The following UTP20 variants were observed in gnomAD, a reference collection of about 807,000 sequenced individuals.
UTP20 encodes the protein UTP20 small subunit processome component, also known as small subunit processome component 20 homolog.
UTP20 carries 164 observed loss-of-function variants against 329.5 expected under a neutral mutation model. That is an observed-to-expected ratio of 0.50 (90% CI 0.44 to 0.57). The LOEUF (loss-of-function observed/expected upper bound fraction) is 0.57, where lower values mean the gene tolerates loss of function less well. Ranked by LOEUF, UTP20 falls within the 20% of genes least tolerant of loss-of-function variation. The pLI, the probability that UTP20 is intolerant of heterozygous loss-of-function variation, is 0.00. For synonymous variants in UTP20, 1,151 were observed against 1,159.3 expected, an observed-to-expected ratio of 0.99 and a Z score of 0.14; for missense variants, 3,055 against 3,284.2, an observed-to-expected ratio of 0.93 and a Z score of 1.71.
At chr12:101,282,691 G>C (rs1871840881) in intron 2 of UTP20, among the ~76,000 whole-genome samples, 1 of 152,186 alleles carries the variant, frequency 6.6e-6, no homozygotes, top group South Asian at 2.1e-4. Flanking sequence ...AAAAGAGCAG[G>C]ACTGCAGTTC....
At chr12:101,382,035 AAGAG>A (rs1555203543) in intron 58 of UTP20, among the ~76,000 whole-genome samples, 1 of 151,030 alleles carries the variant, frequency 6.6e-6, no homozygotes, top group Non-Finnish European at 1.5e-5. Flanking sequence ...AAAAAAAAAA[AAGAG>A]AGAGAAATAG....
At chr12:101,292,654 C>T (rs991127269) in intron 10 of UTP20, among the ~76,000 whole-genome samples, 16 of 152,126 alleles carry the variant, frequency 1.1e-4, no homozygotes, top group Admixed American at 5.9e-4. Context: ...AGAGAGGGAA[C>T]AGAAAAGACG....
At chr12:101,343,190 G>C in intron 35 of UTP20, 97 bp downstream of exon 35, 1 of 751,742 alleles carries the variant, frequency 1.3e-6, no homozygotes, top group Non-Finnish European at 2.0e-6. Flanking sequence ...GTTTTTTGAG[G>C]GGGGACAAAG....
rs1319995725 is a variant in UTP20 at position 101,365,321 on chromosome 12, T to G, written c.5959-138T>G. 1.3e-5 allele frequency: 8 copies of G among 622,292 alleles called. No homozygotes were observed. The Admixed American group carries it at 2.8e-4, about 22-fold the overall frequency. 38.5% of individuals were successfully genotyped at this position (622,292 alleles called of 1,614,324 possible). ...TTATATGTTATATCTGTGTTTGAAA[T>G]TATATTAAGAATGCTTTTTAATTAG... On this transcript the variant is annotated intron_variant, in intron 45 of 61. Coordinates refer to ENST00000261637, the MANE Select transcript of UTP20 (RefSeq NM_014503.3).
chr12:101,295,598 C>A lies in UTP20; in HGVS notation c.1370C>A (p.Pro457His), dbSNP rs747091698. The change falls in exon 12 of 62, where the codon CCC becomes CAC. Residue 457 changes from proline to histidine, a missense_variant. Pro to His is a moderately conservative substitution (Grantham distance 77, BLOSUM62 -2). Around this residue, in one of 3 missense-constraint regions of UTP20, gnomAD observed 2,445 missense variants for 2,575.5 expected, o/e 0.95. Coordinates refer to ENST00000261637, the MANE Select transcript of UTP20 (RefSeq NM_014503.3). ...AKLILNKAAP[P>H]TAGSMAIEKY... ...CTCATTCTGAACAAAGCAGCACCTC[C>A]CACTGCTGGCTCGATGGCAATTGAA... 26 of 1,613,200 alleles carry A rather than the reference C, an allele frequency of 1.6e-5. No individual in the cohort carries two copies. In the East Asian group the frequency reaches 5.3e-4, roughly 33 times the overall value.
At chr12:101,287,852 A>G (rs190388485) in intron 5 of UTP20, among the ~76,000 whole-genome samples, 84 of 152,360 alleles carry the variant, frequency 5.5e-4, no homozygotes, top group African/African-American at 1.9e-3. Context: ...CAAAGTTTAC[A>G]TTTTAGCAGG....
intron 40 of UTP20, among the ~76,000 whole-genome samples, chr12:101,354,199 T>C (rs945322035): frequency 3.4e-5 from 5 of 148,736 alleles, no homozygotes; most frequent in Non-Finnish European, 3.0e-5. Flanking sequence ...GAGGCAGATG[T>C]TGCGGTAAGC....
intron 18 of UTP20, among the ~76,000 whole-genome samples, chr12:101,309,559 A>G (rs989211102): frequency 1.3e-5 from 2 of 152,226 alleles, no homozygotes; most frequent in African/African-American, 4.8e-5. Context: ...CGATTCTTCT[A>G]TTTTAAATAG....
intron 31 of UTP20, among the ~76,000 whole-genome samples, chr12:101,339,478 C>T (rs1869049271): frequency 6.6e-6 from 1 of 151,968 alleles, no homozygotes; most frequent in African/African-American, 2.4e-5. Context: ...TACTAGAAAC[C>T]GTTCATAGCA....
rs144022526 is a variant in UTP20, at chr12:101,351,930, A to G, written c.4885-125A>G. On this transcript the variant is annotated intron_variant, in intron 38 of 61. Coordinates refer to ENST00000261637, the MANE Select transcript of UTP20 (RefSeq NM_014503.3). ...GGGGTTAGAGGGAAAAAATTAGTAT[A>G]GTTTGGACATTCTTTCTCTTCTGTA... is the stretch of plus-strand genomic sequence containing the variant. 8 of 1,128,738 alleles carry G rather than the reference A, an allele frequency of 7.1e-6. No individual in the cohort carries two copies. The East Asian group carries it at 1.2e-4, about 17-fold the overall frequency. 69.9% of individuals were successfully genotyped at this position (1,128,738 alleles called of 1,614,324 possible).
intron 31 of UTP20, among the ~76,000 whole-genome samples, chr12:101,339,973 A>G (rs1397682167): frequency 6.6e-6 from 1 of 152,204 alleles, no homozygotes; most frequent in Non-Finnish European, 1.5e-5. Context: ...ATTTCATCCC[A>G]GGCTATGTAG....
At chr12:101,374,488 A>T (rs970994416) in intron 54 of UTP20, among the ~76,000 whole-genome samples, 50 of 152,296 alleles carry the variant, frequency 3.3e-4, no homozygotes, top group African/African-American at 1.2e-3. Flanking sequence ...TTAATGAGTA[A>T]CTTGTTGCAT....
Position 101,292,007 on chromosome 12 carries a change from C to T in UTP20, c.1076C>T (p.Thr359Ile), listed in dbSNP as rs139573850. The stretch of plus-strand genomic sequence containing the variant: ...ACACTGCAAGTAGCCAGTCTCTCCA[C>T]ATCTTGCTGGGAGACCCTCTTGGAT... ...SQTLQVASLS[T>I]SCWETLLDVI... The change falls in exon 10 of 62, where the codon ACA becomes ATA. Residue 359 changes from threonine to isoleucine, a missense_variant. Thr to Ile is a moderately conservative substitution (Grantham distance 89). Transcript: ENST00000261637. The T allele has an allele frequency of 6.2e-7, 1 of 1,614,136 alleles. No homozygotes were observed. The highest frequency in any genetic ancestry group is 8.5e-7 in the Non-Finnish European group (1 of 1,180,010).
Position 101,346,611 on chromosome 12 carries a change from C to T in UTP20, c.4884+23C>T, listed in dbSNP as rs542264732. 8 of 1,557,200 alleles carry T rather than the reference C, an allele frequency of 5.1e-6. No homozygotes were observed. In the African/African-American group the frequency reaches 8.3e-5, roughly 16 times the overall value. On this transcript the variant is annotated intron_variant, in intron 38 of 61. Transcript: ENST00000261637. ...AAGGTAGGTCATTAGATCTAGAAACCAAGGACCCTCTTCCCATACCATGAC... is the reference window on the plus strand; with the variant it reads ...AAGGTAGGTCATTAGATCTAGAAACTAAGGACCCTCTTCCCATACCATGAC...
intron 26 of UTP20, among the ~76,000 whole-genome samples, chr12:101,327,637 G>A (rs1868612021): frequency 6.6e-6 from 1 of 151,960 alleles, no homozygotes; most frequent in Non-Finnish European, 1.5e-5. Flanking sequence ...TCATCTATTC[G>A]GTAATGATTT....
intron 27 of UTP20, among the ~76,000 whole-genome samples, chr12:101,329,876 A>G (rs1868701297): frequency 6.6e-6 from 1 of 151,840 alleles, no homozygotes; most frequent in Non-Finnish European, 1.5e-5. Context: ...GCGGTAGTGC[A>G]CACCTGTACT....
At chr12:101,326,922 TTG>T in intron 25 of UTP20, 157 bp from the exon 26 acceptor site, 1 of 767,926 alleles carries the variant, frequency 1.3e-6, no homozygotes, top group Non-Finnish European at 2.0e-6. Context: ...ACTTTTTTCA[TTG>T]TCTGTGTTAA....
At chr12:101,364,620 T>C (rs1240949674) in intron 45 of UTP20, among the ~76,000 whole-genome samples, 1 of 152,214 alleles carries the variant, frequency 6.6e-6, no homozygotes, top group African/African-American at 2.4e-5. Flanking sequence ...TTGATTTCTG[T>C]GCCTGTTGCA....
At chr12:101,344,934 CTTTTTTTTT>C (rs11417670) in intron 36 of UTP20, among the ~76,000 whole-genome samples, 184 bp downstream of exon 36, 4 of 61,564 alleles carry the variant, frequency 6.5e-5, no homozygotes, top group South Asian at 7.0e-4. Context: ...CTTTTTTTTG[CTTTTTTTTT>C]TTTTTTTTTT....
Sources: gnomAD v4.1 joint callset for allele counts (sites outside exome capture counted in the v4.1 genomes callset) on GRCh38, gnomAD v4.1.1 for gene constraint, gnomAD v4.1.1 regional missense constraint, MANE v1.5 for transcripts, NCBI Gene and HGNC (gene_info 2026-07-23, HGNC 2026-07-21) for gene names.